The following LEPROTL1 variants were observed in gnomAD, a reference collection of about 807,000 sequenced individuals.
LEPROTL1 encodes the protein leptin receptor overlapping transcript-like 1.
LEPROTL1 carries 6 observed loss-of-function variants against 15.4 expected under a neutral mutation model. The ratio of observed to expected loss-of-function variants is 0.39; its 90% CI spans 0.21 to 0.77. The LOEUF is 0.77. Among genes scored for constraint, LEPROTL1 ranks in the 30% least tolerant of loss-of-function variants. The pLI, the probability that LEPROTL1 is intolerant of heterozygous loss-of-function variation, is 0.41. For missense variants in LEPROTL1, 128 were observed against 158.1 expected, an observed-to-expected ratio of 0.81 and a Z score of 1.02; for synonymous variants, 56 against 52.6, an observed-to-expected ratio of 1.06 and a Z score of -0.28.
intron 3 of LEPROTL1, among the ~76,000 whole-genome samples, chr8:30,125,100 T>G (rs1802885431): frequency 6.6e-6 from 1 of 152,120 alleles, no homozygotes; most frequent in Admixed American, 6.5e-5. Flanking sequence ...AAGGAAAACA[T>G]ACGTACATAA....
At chr8:30,110,853 A>G (rs761356334), downstream of LEPROTL1, among the ~76,000 whole-genome samples, 12 of 152,226 alleles carry the variant, frequency 7.9e-5, no homozygotes, top group Non-Finnish European at 1.8e-4. Flanking sequence ...GAGTATTTCC[A>G]TATCTGTTTG....
Position 30,106,232 on chromosome 8 carries a change from C to G in LEPROTL1, c.*370C>G, listed in dbSNP as rs113435688. The G allele has an allele frequency of 1.0e-6, 1 of 985,990 alleles. No homozygotes were observed. Among genetic ancestry groups the G allele is most frequent in the Non-Finnish European group, 1.2e-6 (1 of 830,092 alleles). 61.1% of individuals were successfully genotyped at this position (985,990 alleles called of 1,614,324 possible). A position where few individuals can be genotyped will look rare whatever the true frequency, so the allele number is the denominator to read the frequency against. ...ATTGGTTAGGAATTCAGAATTCCGC[C>G]GGCTCTATTACTGGTCAAGTACATC... On this transcript the variant is annotated 3_prime_UTR_variant, in exon 4 of 4. Coordinates refer to ENST00000321250, the MANE Select transcript of LEPROTL1 (RefSeq NM_015344.3).
At chr8:30,137,252 T>C in intron 4 of LEPROTL1, 1 of 1,529,960 alleles carries the variant, frequency 6.5e-7, no homozygotes, top group South Asian at 1.2e-5. Context: ...TGTAATTAGC[T>C]CTTGATTTCT....
chr8:30,103,719 G>C (rs1347679283), intron 2 of LEPROTL1, among the ~76,000 whole-genome samples: 1 of 149,712 alleles, frequency 6.7e-6, no homozygotes. Context: ...TCCAGCCTGG[G>C]CAGCAGAGCG....
chr8:30,109,200 A>G (rs1009658304), downstream of LEPROTL1, among the ~76,000 whole-genome samples: 2 of 152,210 alleles, frequency 1.3e-5, no homozygotes, highest in African/African-American at 2.4e-5. Context: ...ACACAACGTT[A>G]TTGTTAAGTG....
chr8:30,105,210 C>T (rs900067323), intron 3 of LEPROTL1: 1 of 152,234 alleles, frequency 6.6e-6, no homozygotes, highest in African/African-American at 2.4e-5. Context: ...GATCCACGCG[C>T]CTTCATCTCT....
At chr8:30,102,333 T>TA (rs11463597) in intron 2 of LEPROTL1, among the ~76,000 whole-genome samples, 123,067 of 150,442 alleles carry the variant, frequency 0.82, 50,663 homozygotes, top group Admixed American at 0.87. Flanking sequence ...AAAACACAAT[T>TA]AAAAAAAAAG....
Position 30,107,512 on chromosome 8 carries a change from C to G in LEPROTL1, c.*1650C>G. 1 of 985,738 alleles carries G rather than the reference C, an allele frequency of 1.0e-6. No individual in the cohort carries two copies. The highest frequency in any genetic ancestry group is 1.2e-6 in the Non-Finnish European group (1 of 829,868). The allele number at this position is 985,738 out of a possible 1,614,324, so 61.1% of individuals were successfully genotyped here. ...GGGAATAAATTTGGGATTTGTTCAG[C>G]TTTTTTACTAAAGATGCCTAAAGCC... On this transcript the variant is annotated 3_prime_UTR_variant, in exon 4 of 4. Coordinates refer to ENST00000321250, the MANE Select transcript of LEPROTL1 (RefSeq NM_015344.3).
rs1241952957 is a variant in LEPROTL1 at position 30,107,240 on chromosome 8, C to G, written c.*1378C>G. 1.0e-6 allele frequency: 1 copy of G among 985,386 alleles called. No homozygotes were observed. Among genetic ancestry groups the G allele is most frequent in the Non-Finnish European group, 1.2e-6 (1 of 829,916 alleles). The allele number at this position is 985,386 out of a possible 1,614,324, so 61.0% of individuals were successfully genotyped here. Reference sequence around the variant, plus strand: ...CTATATAGCAGCTTCAGAAACATACCTGACCAAAAAATTCCCAGTAACCAG... The same window carrying G: ...CTATATAGCAGCTTCAGAAACATACGTGACCAAAAAATTCCCAGTAACCAG... On this transcript the variant is annotated 3_prime_UTR_variant, in exon 4 of 4. Transcript: ENST00000321250.
At chr8:30,134,438 A>AC (rs1803095866) in intron 4 of LEPROTL1, among the ~76,000 whole-genome samples, 1 of 152,048 alleles carries the variant, frequency 6.6e-6, no homozygotes, top group South Asian at 2.1e-4. Context: ...ACAAAACAAA[A>AC]AAAAAAACAA....
At chr8:30,137,769 AC>A (rs1393204700), downstream of LEPROTL1, 1 of 420,426 alleles carries the variant, frequency 2.4e-6, no homozygotes, top group Non-Finnish European at 4.3e-6. Context: ...CCCAAAACAA[AC>A]CCCCTTCTTG....
At chr8:30,122,044 G>A (rs901920781) in intron 3 of LEPROTL1, among the ~76,000 whole-genome samples, 1 of 151,890 alleles carries the variant, frequency 6.6e-6, no homozygotes, top group East Asian at 1.9e-4. Context: ...GCACGCGCCT[G>A]TAATCCCAGC....
At chr8:30,116,608 G>A (rs1243075995) in intron 3 of LEPROTL1, among the ~76,000 whole-genome samples, 3 of 152,162 alleles carry the variant, frequency 2.0e-5, no homozygotes, top group African/African-American at 7.2e-5. Context: ...AATAGGCCAT[G>A]GACTGATACT....
chr8:30,132,305 G>T lies in LEPROTL1; in HGVS notation c.280-70G>T, dbSNP rs144856522. The T allele has an allele frequency of 1.9e-6, 3 of 1,551,646 alleles. No individual in the cohort carries two copies. In the African/African-American group the frequency reaches 4.1e-5, roughly 21 times the overall value. On this transcript the variant is annotated intron_variant, in intron 3 of 4. Coordinates refer to the LEPROTL1 transcript ENST00000442880. ...GCCCTGCTGTGCTGGAATACAAGCC[G>T]TCGGAGCCATCGAGCTGTGCTTTGG...
At chr8:30,122,481 A>C (rs1802844279) in intron 3 of LEPROTL1, among the ~76,000 whole-genome samples, 1 of 152,002 alleles carries the variant, frequency 6.6e-6, no homozygotes. Flanking sequence ...TTAGTTTGTC[A>C]ATTTCTATTT....
At chr8:30,112,313 G>A (rs1277805555), downstream of LEPROTL1, among the ~76,000 whole-genome samples, 1 of 148,040 alleles carries the variant, frequency 6.8e-6, no homozygotes, top group Admixed American at 6.9e-5. Flanking sequence ...TCGGCTCACT[G>A]CAACCTCCAC....
At chr8:30,097,127 C>T (rs1343395562) in intron 1 of LEPROTL1, among the ~76,000 whole-genome samples, 1 of 152,198 alleles carries the variant, frequency 6.6e-6, no homozygotes, top group Non-Finnish European at 1.5e-5. Flanking sequence ...TAAGCTTTGT[C>T]TTCCAAATGT....
chr8:30,131,046 G>A (rs979064135), intron 3 of LEPROTL1, among the ~76,000 whole-genome samples: 6 of 151,400 alleles, frequency 4.0e-5, no homozygotes, highest in South Asian at 2.1e-4. Flanking sequence ...CGCCCGTCTC[G>A]GCCTCCCAAA....
chr8:30,132,751 C>G, intron 4 of LEPROTL1: 1 of 1,551,740 alleles, frequency 6.4e-7, no homozygotes, highest in Non-Finnish European at 8.7e-7. Flanking sequence ...GAGCAAGTAG[C>G]TGAAATAGGG....
Sources: gnomAD v4.1 joint callset for allele counts (sites outside exome capture counted in the v4.1 genomes callset) on GRCh38, gnomAD v4.1.1 for gene constraint, MANE v1.5 for transcripts, NCBI Gene and HGNC (gene_info 2026-07-23, HGNC 2026-07-21) for gene names.